ARHGEF12: variants seen among roughly 807,000 people sequenced by gnomAD.
ARHGEF12 encodes KMT2A/ARHGEF12 fusion protein.
In ARHGEF12, 66 loss-of-function variants were observed where a neutral mutation model predicts 211.2. The observed-to-expected ratio is 0.31, with a 90% confidence interval of 0.26 to 0.38. The LOEUF (loss-of-function observed/expected upper bound fraction) is 0.38, where lower values mean the gene tolerates loss of function less well. Among genes scored for constraint, ARHGEF12 ranks in the 10% least tolerant of loss-of-function variants. The pLI is 1.00. For missense variants in ARHGEF12, 1,429 were observed against 1,869.5 expected, an observed-to-expected ratio of 0.76 and a Z score of 4.34; for synonymous variants, 592 against 638.4, an observed-to-expected ratio of 0.93 and a Z score of 1.09.
At chr11:120,426,196 A>G (rs188423236) in intron 7 of ARHGEF12, among the ~76,000 whole-genome samples, 1 of 152,312 alleles carries the variant, frequency 6.6e-6, no homozygotes, top group East Asian at 1.9e-4. Flanking sequence ...TGCTGCATAA[A>G]TATGGTTTAT....
At chr11:120,392,604 G>A (rs574079056) in intron 1 of ARHGEF12, among the ~76,000 whole-genome samples, 2 of 152,290 alleles carry the variant, frequency 1.3e-5, no homozygotes, top group Admixed American at 1.3e-4. Context: ...AAGAAATCTA[G>A]ACGTAGGCTT....
intron 25 of ARHGEF12, chr11:120,458,913 G>A: frequency 4.5e-6 from 1 of 220,246 alleles, no homozygotes; most frequent in African/African-American, 2.3e-5. Context: ...GGGTATTATT[G>A]TAAACAGCTG....
intron 1 of ARHGEF12, among the ~76,000 whole-genome samples, chr11:120,370,877 A>G (rs990115054): frequency 1.4e-5 from 2 of 139,298 alleles, no homozygotes; most frequent in Non-Finnish European, 3.1e-5. Context: ...TTTTAATTTT[A>G]TATTGTTTTG....
At chr11:120,445,844 G>A (rs1272775214) in intron 16 of ARHGEF12, among the ~76,000 whole-genome samples, 1 of 152,006 alleles carries the variant, frequency 6.6e-6, no homozygotes, top group East Asian at 1.9e-4. Flanking sequence ...GTTGCAGTGA[G>A]CTGAGATTAT....
At chr11:120,420,079 A>G (rs1490362833) in intron 4 of ARHGEF12, among the ~76,000 whole-genome samples, 1 of 152,214 alleles carries the variant, frequency 6.6e-6, no homozygotes, top group Non-Finnish European at 1.5e-5. Flanking sequence ...GGAATCAGGT[A>G]AGTATATGAA....
At chr11:120,424,585 G>T (rs543791880) in intron 7 of ARHGEF12, among the ~76,000 whole-genome samples, 170 bp downstream of exon 7, 195 of 152,310 alleles carry the variant, frequency 1.3e-3, no homozygotes, top group African/African-American at 4.2e-3. Flanking sequence ...ATATGTAAAT[G>T]AATGGGTGTG....
chr11:120,475,705 AAC>A (rs10563115), intron 33 of ARHGEF12, among the ~76,000 whole-genome samples, 198 bp downstream of exon 33: 26,370 of 150,290 alleles, frequency 0.18, 2,719 homozygotes, highest in Non-Finnish European at 0.23. Flanking sequence ...CGATTCTGTG[AAC>A]AGTTTTCTGC....
At position 120,380,693 on chromosome 11, in the gene ARHGEF12, C is replaced by T. The variant is rs117824161; in HGVS notation, c.33-25425C>T. 9.8e-5 allele frequency among the ~76,000 whole-genome samples: 15 copies of T among 152,302 alleles called. No homozygotes were observed. The East Asian group carries it at 2.3e-3, about 23-fold the overall frequency. ...GTGTTTGCTAGGTTTCTTCACTATA[C>T]TCTGTTTTTTGGGAACACATTACTA... On this transcript the variant is annotated intron_variant, in intron 1 of 40. Transcript: ENST00000397843.
At chr11:120,358,271 C>A (rs919389821) in intron 1 of ARHGEF12, among the ~76,000 whole-genome samples, 1 of 151,898 alleles carries the variant, frequency 6.6e-6, no homozygotes, top group Non-Finnish European at 1.5e-5. Flanking sequence ...TACTTAAAAG[C>A]GAAGAGACAA....
At chr11:120,344,943 A>T (rs1197900026) in intron 1 of ARHGEF12, among the ~76,000 whole-genome samples, 2 of 152,180 alleles carry the variant, frequency 1.3e-5, no homozygotes, top group Non-Finnish European at 2.9e-5. Flanking sequence ...TCATGATTAG[A>T]ATTTTTCCCC....
chr11:120,409,107 C>A, intron 3 of ARHGEF12: 1 of 361,978 alleles, frequency 2.8e-6, no homozygotes, highest in South Asian at 4.0e-5. Flanking sequence ...GCTTTTAGTG[C>A]TTTTGTCATC....
intron 1 of ARHGEF12, among the ~76,000 whole-genome samples, chr11:120,376,336 A>G (rs750023374): frequency 3.9e-5 from 6 of 152,164 alleles, no homozygotes. Context: ...GTCGAATTCT[A>G]AAGATTTTGT....
intron 1 of ARHGEF12, among the ~76,000 whole-genome samples, chr11:120,353,805 T>TCTCC (rs1943058953): frequency 1.3e-5 from 2 of 152,150 alleles, no homozygotes; most frequent in Non-Finnish European, 2.9e-5. Context: ...GACTTCCAGA[T>TCTCC]CTCCACCCGC....
chr11:120,383,581 A>G (rs1255056654), intron 1 of ARHGEF12, among the ~76,000 whole-genome samples: 1 of 152,172 alleles, frequency 6.6e-6, no homozygotes, highest in Non-Finnish European at 1.5e-5. Context: ...TGTGCAACCT[A>G]GATCCCTCTC....
intron 1 of ARHGEF12, among the ~76,000 whole-genome samples, chr11:120,367,982 A>G (rs1565432593): frequency 2.0e-5 from 3 of 152,208 alleles, no homozygotes; most frequent in Non-Finnish European, 1.5e-5. Flanking sequence ...CCTCGTCTCA[A>G]AAATAAATAA....
chr11:120,446,900 G>T, intron 17 of ARHGEF12, 48 bp from the exon 18 acceptor site: 1 of 1,588,282 alleles, frequency 6.3e-7, no homozygotes. Context: ...CCCAGAATGA[G>T]GTAGTTTTTC....
intron 1 of ARHGEF12, among the ~76,000 whole-genome samples, chr11:120,350,465 A>G (rs984076064): frequency 2.0e-5 from 3 of 151,374 alleles, no homozygotes; most frequent in Admixed American, 2.0e-4. Context: ...CAGTGAGCTG[A>G]GATCACGCCA....
At position 120,485,191 on chromosome 11, in the gene ARHGEF12, T is replaced by C. The variant is rs539696220; in HGVS notation, c.*114T>C. The stretch of plus-strand genomic sequence containing the variant: ...GAGAGTGTGACAGAGGATCTGCCTG[T>C]GAACCACCTGGGATTAGTCAAGTCC... On this transcript the variant is annotated 3_prime_UTR_variant, in exon 41 of 41. Coordinates refer to ENST00000397843, the MANE Select transcript of ARHGEF12 (RefSeq NM_015313.3). 3.7e-4 allele frequency: 513 copies of C among 1,380,790 alleles called. 7 individuals are homozygous for C. In the South Asian group the frequency reaches 5.1e-3, roughly 14 times the overall value. The allele number at this position is 1,380,790 out of a possible 1,614,324, so 85.5% of individuals were successfully genotyped here.
In ARHGEF12 at chr11:120,489,661, T is replaced by C. The variant is rs1239336671; in HGVS notation, c.*4584T>C. The C allele has an allele frequency of 4.7e-6, 1 of 211,562 alleles. No homozygotes were observed. The highest frequency in any genetic ancestry group is 2.3e-5 in the African/African-American group (1 of 44,190). 13.1% of individuals were successfully genotyped at this position (211,562 alleles called of 1,614,324 possible). A position where few individuals can be genotyped will look rare whatever the true frequency, so the allele number is the denominator to read the frequency against. On this transcript the variant is annotated 3_prime_UTR_variant, in exon 41 of 41. Coordinates refer to ENST00000397843, the MANE Select transcript of ARHGEF12 (RefSeq NM_015313.3). Reference sequence around the variant, plus strand: ...GTTTTCAGTCATTCAAGGGCACATTTGGCTGACGGAGCTAATAAGCGTAAT... The same window carrying C: ...GTTTTCAGTCATTCAAGGGCACATTCGGCTGACGGAGCTAATAAGCGTAAT...
Sources: allele counts gnomAD v4.1 joint callset (sites outside exome capture counted in the v4.1 genomes callset), GRCh38; gene constraint gnomAD v4.1.1; transcripts MANE v1.5; gene names NCBI Gene and HGNC (gene_info 2026-07-23, HGNC 2026-07-21).